RHOJ: variants seen among roughly 807,000 people sequenced by gnomAD.
RHOJ encodes ras homolog family member J.
RHOJ carries 11 observed loss-of-function variants against 23.4 expected under a neutral mutation model. The observed-to-expected ratio is 0.47, with a 90% CI of 0.30 to 0.78. The LOEUF (loss-of-function observed/expected upper bound fraction) is 0.78, where lower values mean the gene tolerates loss of function less well. Among genes scored for constraint, RHOJ ranks in the 30% least tolerant of loss-of-function variants. The pLI is 0.08. For synonymous variants in RHOJ, 102 were observed against 102.7 expected (o/e 0.99, Z 0.04); for missense variants, 254 against 273.4 (o/e 0.93, Z 0.50).
intron 2 of RHOJ, among the ~76,000 whole-genome samples, chr14:63,273,643 C>G (rs1381065795): frequency 6.6e-6 from 1 of 152,214 alleles, no homozygotes; most frequent in South Asian, 2.1e-4. Context: ...ACAGTGGAAC[C>G]AGCCATAGTA....
chr14:63,286,201 C>G (rs1882077682), intron 4 of RHOJ, among the ~76,000 whole-genome samples: 1 of 152,174 alleles, frequency 6.6e-6, no homozygotes, highest in Admixed American at 6.5e-5. Context: ...CCCTTTCTCC[C>G]TTGGTCATTG....
At position 63,213,463 on chromosome 14, in the gene RHOJ, G is replaced by GATTTCATTCT. The variant is rs1325090781; in HGVS notation, c.178+8417_178+8426dup. On this transcript the variant is annotated intron_variant, in intron 1 of 4. Coordinates refer to ENST00000316754, the MANE Select transcript of RHOJ (RefSeq NM_020663.5). ...GCATCCATGTTGCTGCAAAAGACATGATTTCATTCTTTTTAATGGCTACAT... is the reference window on the plus strand; with the variant it reads ...GCATCCATGTTGCTGCAAAAGACATGATTTCATTCTATTTCATTCTTTTTAATGGCTACAT... 2.6e-5 allele frequency among the ~76,000 whole-genome samples: 4 copies of GATTTCATTCT among 152,238 alleles called. No homozygotes were observed. In the East Asian group the frequency reaches 5.8e-4, roughly 22 times the overall value.
rs971411857 is a variant in RHOJ, at chr14:63,204,776, C to T, written c.-94C>T. 1 of 1,319,784 alleles carries T rather than the reference C, an allele frequency of 7.6e-7. No homozygotes were observed. Among genetic ancestry groups the T allele is most frequent in the Non-Finnish European group, 1.1e-6 (1 of 943,096 alleles). The allele number at this position is 1,319,784 out of a possible 1,614,324, so 81.8% of individuals were successfully genotyped here. ...TACCCAAAGTCAGACAGAGTAAACT[C>T]AAGCCTGGCACTGGCTTTCTGCCGC... On this transcript the variant is annotated 5_prime_UTR_variant, in exon 1 of 5. Transcript: ENST00000316754.
At chr14:63,222,774 T>C (rs1339383697) in intron 1 of RHOJ, among the ~76,000 whole-genome samples, 2 of 152,210 alleles carry the variant, frequency 1.3e-5, no homozygotes, top group African/African-American at 4.8e-5. Context: ...ATTCTGTAGG[T>C]TGCCTGTTCA....
At chr14:63,254,995 G>A (rs141178479) in intron 1 of RHOJ, among the ~76,000 whole-genome samples, 75 of 152,132 alleles carry the variant, frequency 4.9e-4, no homozygotes, top group African/African-American at 1.5e-3. Context: ...GGCCCCCATC[G>A]CTCACTTCCC....
At chr14:63,217,775 T>G (rs1477470567) in intron 1 of RHOJ, among the ~76,000 whole-genome samples, 3 of 152,006 alleles carry the variant, frequency 2.0e-5, no homozygotes, top group East Asian at 1.9e-4. Context: ...GGGAGAAAAC[T>G]TTCCCGCTTT....
chr14:63,232,481 G>GA (rs1894712400), intron 1 of RHOJ, among the ~76,000 whole-genome samples: 3 of 152,104 alleles, frequency 2.0e-5, no homozygotes, highest in Admixed American at 1.3e-4. Context: ...TGTTTAGCAA[G>GA]TTGGCCAGAA....
intron 1 of RHOJ, among the ~76,000 whole-genome samples, chr14:63,206,598 T>C (rs1894113939): frequency 6.6e-6 from 1 of 152,180 alleles, no homozygotes; most frequent in African/African-American, 2.4e-5. Context: ...CAAATGCCTA[T>C]GAAACTTATG....
At chr14:63,212,282 C>G (rs934489000) in intron 1 of RHOJ, among the ~76,000 whole-genome samples, 1 of 152,124 alleles carries the variant, frequency 6.6e-6, no homozygotes, top group Admixed American at 6.5e-5. Flanking sequence ...GGGAAAGCCC[C>G]CCTCTGTGCC....
intron 1 of RHOJ, among the ~76,000 whole-genome samples, chr14:63,216,880 G>C (rs1299547113): frequency 6.6e-6 from 1 of 152,028 alleles, no homozygotes; most frequent in Non-Finnish European, 1.5e-5. Flanking sequence ...AACTAAATCT[G>C]TCAGGCTGGT....
At chr14:63,269,324 TC>T in intron 2 of RHOJ, 156 bp downstream of exon 2, 1 of 496,798 alleles carries the variant, frequency 2.0e-6, no homozygotes, top group Admixed American at 3.7e-5. Flanking sequence ...AAAAGCACAT[TC>T]TCAATATTTT....
At chr14:63,280,674 G>A (rs1191326378) in intron 2 of RHOJ, among the ~76,000 whole-genome samples, 2 of 152,040 alleles carry the variant, frequency 1.3e-5, no homozygotes, top group African/African-American at 2.4e-5. Flanking sequence ...AAATAAATGG[G>A]TGAACTTTAT....
intron 1 of RHOJ, among the ~76,000 whole-genome samples, chr14:63,230,767 C>A (rs1894677669): frequency 6.6e-6 from 1 of 150,694 alleles, no homozygotes; most frequent in Non-Finnish European, 1.5e-5. Flanking sequence ...TGCCATATCT[C>A]TGGCATTTAG....
At position 63,204,629 on chromosome 14, in the gene RHOJ, C is replaced by T. The variant is rs1894065520; in HGVS notation, c.-241C>T. 1.8e-6 allele frequency: 1 copy of T among 547,812 alleles called. No homozygotes were observed. Among genetic ancestry groups the T allele is most frequent in the Non-Finnish European group, 3.2e-6 (1 of 308,450 alleles). 33.9% of individuals were successfully genotyped at this position (547,812 alleles called of 1,614,324 possible). On this transcript the variant is annotated 5_prime_UTR_variant, in exon 1 of 5. Transcript: ENST00000316754. Reference sequence around the variant, plus strand: ...GTGAAAATGAGGGTTTCTTAACTCACACTGAGAGCGGAAAGGGGCAGACCC... The same window carrying T: ...GTGAAAATGAGGGTTTCTTAACTCATACTGAGAGCGGAAAGGGGCAGACCC...
At chr14:63,271,786 G>A (rs1194405765) in intron 2 of RHOJ, among the ~76,000 whole-genome samples, 3 of 152,008 alleles carry the variant, frequency 2.0e-5, no homozygotes, top group South Asian at 2.1e-4. Flanking sequence ...TTCTAGAGAC[G>A]GAGGTTTCAC....
At chr14:63,274,816 C>A (rs1566627841) in intron 2 of RHOJ, among the ~76,000 whole-genome samples, 1 of 152,146 alleles carries the variant, frequency 6.6e-6, no homozygotes, top group Non-Finnish European at 1.5e-5. Flanking sequence ...TCTTAAGCAC[C>A]ATGCTATGCA....
Position 63,284,144 on chromosome 14 carries a change from T to C in RHOJ, c.498+928T>C, listed in dbSNP as rs560461856. The C allele has an allele frequency of 6.1e-6, 5 of 825,800 alleles. No homozygotes were observed. The African/African-American group carries it at 9.3e-5, about 15-fold the overall frequency. 51.2% of individuals were successfully genotyped at this position (825,800 alleles called of 1,614,324 possible). On this transcript the variant is annotated intron_variant, in intron 4 of 4. Coordinates refer to ENST00000316754, the MANE Select transcript of RHOJ (RefSeq NM_020663.5). The stretch of plus-strand genomic sequence containing the variant: ...TCACTCTCTTCAAGCCAGTCAAGAA[T>C]ATTAACTACAAATTCTTCACTTACA...
intron 1 of RHOJ, among the ~76,000 whole-genome samples, chr14:63,227,216 T>A (rs1040806332): frequency 6.6e-6 from 1 of 152,178 alleles, no homozygotes; most frequent in Non-Finnish European, 1.5e-5. Flanking sequence ...CCTCCCAAAG[T>A]GCTGGGATTA....
intron 1 of RHOJ, among the ~76,000 whole-genome samples, chr14:63,231,663 A>T (rs779836815): frequency 1.8e-4 from 27 of 152,220 alleles, no homozygotes; most frequent in African/African-American, 6.5e-4. Context: ...TTGTTTCTTC[A>T]TGTATGAAAT....
Sources: gnomAD v4.1 joint callset for allele counts (sites outside exome capture counted in the v4.1 genomes callset) on GRCh38, gnomAD v4.1.1 for gene constraint, MANE v1.5 for transcripts, NCBI Gene and HGNC (gene_info 2026-07-23, HGNC 2026-07-21) for gene names.